Variants in ZNF735 observed in about 807,000 individuals in gnomAD.
The protein encoded by ZNF735 is zinc finger protein 735, also known as putative zinc finger protein 735.
A neutral mutation model predicts 13.4 loss-of-function variants in ZNF735; 11 were observed. The ratio of observed to expected loss-of-function variants is 0.82; its 90% CI spans 0.52 to 1.36. The LOEUF (loss-of-function observed/expected upper bound fraction) is 1.36, where lower values mean the gene tolerates loss of function less well. ZNF735 is among the 40% of genes most tolerant of loss of function. The probability of loss-of-function intolerance (pLI) is 0.00; values close to 1 mark genes in which losing one functional copy is unlikely to be tolerated. For synonymous variants in ZNF735, 171 were observed against 162.6 expected (o/e 1.05, Z -0.39); for missense variants, 500 against 484.6 (o/e 1.03, Z -0.30).
At chr7:64,217,054 A>C (rs1388530763) in intron 3 of ZNF735, among the ~76,000 whole-genome samples, 3 of 152,212 alleles carry the variant, frequency 2.0e-5, no homozygotes, top group Non-Finnish European at 1.5e-5. Context: ...AGGTGCCCTC[A>C]AAATCTCATG....
In ZNF735 at chr7:64,210,814, G is replaced by A. The variant is rs554558692; in HGVS notation, c.40-2278G>A. On this transcript the variant is annotated intron_variant, in intron 1 of 3. Transcript: ENST00000429565. ...TGGGTGAATGTTTTCTGCAAGTCTCGGTCTTTCTGCCCTTGGGTGTGTGTG... is the reference window on the plus strand; with the variant it reads ...TGGGTGAATGTTTTCTGCAAGTCTCAGTCTTTCTGCCCTTGGGTGTGTGTG... 6.6e-5 allele frequency among the ~76,000 whole-genome samples: 10 copies of A among 152,242 alleles called. No homozygotes were observed. The South Asian group carries it at 1.0e-3, about 16-fold the overall frequency.
intron 1 of ZNF735, among the ~76,000 whole-genome samples, chr7:64,211,149 A>G (rs1038889030): frequency 9.2e-5 from 14 of 152,194 alleles, no homozygotes; most frequent in Admixed American, 8.5e-4. Context: ...TTTTTTCTAT[A>G]TGCTGTAGCG....
intron 1 of ZNF735, among the ~76,000 whole-genome samples, chr7:64,211,136 AT>A (rs1298983712): frequency 2.6e-5 from 4 of 151,878 alleles, no homozygotes; most frequent in East Asian, 1.9e-4. Flanking sequence ...TGAAAAAAAT[AT>A]TTTTTTTCTA....
intron 3 of ZNF735, among the ~76,000 whole-genome samples, chr7:64,217,894 A>G (rs1787441404): frequency 6.6e-6 from 1 of 152,046 alleles, no homozygotes; most frequent in Non-Finnish European, 1.5e-5. Context: ...TGCTAATTGT[A>G]TCTTTTTATG....
chr7:64,212,012 C>T (rs1455119013), intron 1 of ZNF735, among the ~76,000 whole-genome samples: 1 of 151,684 alleles, frequency 6.6e-6, no homozygotes, highest in Non-Finnish European at 1.5e-5. Context: ...AAAATGTGTC[C>T]TAATAAAGGT....
rs534858210 is a variant in ZNF735, at chr7:64,214,030, C to A, written c.184C>A (p.Pro62Thr). The A allele has an allele frequency of 3.1e-6, 5 of 1,598,802 alleles. No individual in the cohort carries two copies. In the South Asian group the frequency reaches 4.4e-5, roughly 14 times the overall value. ...TAAAACAGGTATGACTGTCTCTAAGCCAGACTTGATCGCCTGTCTGGAGCA... is the reference window on the plus strand; with the variant it reads ...TAAAACAGGTATGACTGTCTCTAAGACAGACTTGATCGCCTGTCTGGAGCA... Residue 62 changes from proline (P) to threonine (T), a missense_variant, in exon 3 of 4, where the codon CCA (proline) becomes ACA (threonine). Physicochemically the swap from Pro to Thr is conservative, Grantham distance 38. Transcript: ENST00000429565.
intron 1 of ZNF735, among the ~76,000 whole-genome samples, chr7:64,210,544 G>C (rs1787344553): frequency 6.6e-6 from 1 of 152,172 alleles, no homozygotes; most frequent in Non-Finnish European, 1.5e-5. Context: ...TTATAAACTT[G>C]AGGGGTTCAA....
chr7:64,220,141 T>G lies in ZNF735; in HGVS notation c.1090T>G (p.Cys364Gly), dbSNP rs780280122. The G allele has an allele frequency of 3.4e-5, 55 of 1,613,222 alleles. No homozygotes were observed. The highest frequency in any genetic ancestry group is 4.7e-5 in the Non-Finnish European group (55 of 1,179,736). Residue 364 changes from cysteine to glycine, a missense_variant, in exon 4 of 4, where the codon TGC becomes GGC. Transcript: ENST00000429565. The stretch of plus-strand genomic sequence containing the variant: ...TGAAGAATGTGGCAGAACCTTTAAC[T>G]GCTCCTCAACTGTAAAGGCACATAA...
At chr7:64,209,551 T>G (rs1787333017) in intron 1 of ZNF735, among the ~76,000 whole-genome samples, 1 of 152,058 alleles carries the variant, frequency 6.6e-6, no homozygotes, top group Non-Finnish European at 1.5e-5. Flanking sequence ...GGTCTCAAAC[T>G]CCTGACCTCG....
exon 4 of ZNF735, chr7:64,219,790 G>A: frequency 1.2e-6 from 2 of 1,612,382 alleles, no homozygotes; most frequent in African/African-American, 2.7e-5. Flanking sequence ...TGAGGAATGT[G>A]GCAAAGCCTT....
chr7:64,208,174 A>C (rs140219841), intron 1 of ZNF735, among the ~76,000 whole-genome samples: 1 of 151,222 alleles, frequency 6.6e-6, no homozygotes, highest in Non-Finnish European at 1.5e-5. Flanking sequence ...TTATGTCATC[A>C]GAGATTCATT....
intron 1 of ZNF735, among the ~76,000 whole-genome samples, chr7:64,209,375 G>C (rs1052551028): frequency 6.7e-6 from 1 of 149,022 alleles, no homozygotes; most frequent in Non-Finnish European, 1.5e-5. Flanking sequence ...TTGAGACGGA[G>C]CTTCGCTTTC....
intron 1 of ZNF735, among the ~76,000 whole-genome samples, chr7:64,211,395 G>A (rs1787358831): frequency 6.6e-6 from 1 of 152,142 alleles, no homozygotes; most frequent in South Asian, 2.1e-4. Context: ...ACAGGGTTTA[G>A]AAAATGTTCA....
exon 4 of ZNF735, chr7:64,219,318 A>G (rs754739031): frequency 2.5e-6 from 4 of 1,611,830 alleles, no homozygotes; most frequent in African/African-American, 2.7e-5. Flanking sequence ...TTTCAGTTAC[A>G]TGTTCTCATT....
intron 1 of ZNF735, among the ~76,000 whole-genome samples, chr7:64,210,734 G>A (rs1464932573): frequency 2.0e-5 from 3 of 151,560 alleles, no homozygotes; most frequent in Non-Finnish European, 2.9e-5. Flanking sequence ...TAGTTATGGA[G>A]AAGCTCATTG....
chr7:64,211,184 A>T (rs995115644), intron 1 of ZNF735, among the ~76,000 whole-genome samples: 2 of 152,114 alleles, frequency 1.3e-5, no homozygotes, highest in Admixed American at 6.6e-5. Flanking sequence ...TTCATCTTGG[A>T]TTCTTATATG....
chr7:64,220,230 T>C (rs1161155612), exon 4 of ZNF735: 1 of 1,612,006 alleles, frequency 6.2e-7, no homozygotes, highest in Non-Finnish European at 8.5e-7. Flanking sequence ...TTAAGTGGCA[T>C]TCAAGTCTTG....
chr7:64,207,331 A>T, intron 1 of ZNF735, 90 bp downstream of exon 1: 1 of 1,612,462 alleles, frequency 6.2e-7, no homozygotes, highest in South Asian at 1.1e-5. Context: ...ACTTCCTCGC[A>T]GTCAGCTCCG....
intron 1 of ZNF735, 121 bp downstream of exon 1, chr7:64,207,362 T>C: frequency 6.3e-7 from 1 of 1,589,638 alleles, no homozygotes; most frequent in South Asian, 1.1e-5. Context: ...ACCCAAATCC[T>C]CCTTGGCCCA....
Sources: allele counts gnomAD v4.1 joint callset (sites outside exome capture counted in the v4.1 genomes callset), GRCh38; gene constraint gnomAD v4.1.1; transcripts MANE v1.5; gene names NCBI Gene and HGNC (gene_info 2026-07-23, HGNC 2026-07-21).